The following COX6C variants were observed in gnomAD, a reference collection of about 807,000 sequenced individuals.
COX6C encodes cytochrome c oxidase subunit 6C, also known as cytochrome c oxidase polypeptide VIc.
COX6C carries 3 observed loss-of-function variants against 6.9 expected under a neutral mutation model. The observed-to-expected ratio is 0.43, with a 90% CI of 0.20 to 1.12. The LOEUF (loss-of-function observed/expected upper bound fraction) is 1.12. COX6C is among the 50% of genes most tolerant of loss of function. The pLI is 0.27. For synonymous variants in COX6C, 32 were observed against 32.0 expected (o/e 1.00, Z 0.00); for missense variants, 101 against 97.3 (o/e 1.04, Z -0.16).
chr8:99,886,626 A>T (rs1817945983), intron 3 of COX6C, among the ~76,000 whole-genome samples: 1 of 152,224 alleles, frequency 6.6e-6, no homozygotes, highest in Non-Finnish European at 1.5e-5. Flanking sequence ...CTACTGATGG[A>T]TGAATGGATA....
At chr8:99,882,904 C>A in intron 3 of COX6C, among the ~76,000 whole-genome samples, 1 of 152,224 alleles carries the variant, frequency 6.6e-6, no homozygotes, top group Non-Finnish European at 1.5e-5. Flanking sequence ...CTCAGGTAAT[C>A]TTCCCAGGTA....
In COX6C at chr8:99,879,284, C is replaced by T. The variant is rs541905119; in HGVS notation, c.*16-1019G>A. Among the ~76,000 whole-genome samples, 4 of 152,282 alleles carry T rather than the reference C, an allele frequency of 2.6e-5. No homozygotes were observed. In the South Asian group the frequency reaches 8.3e-4, roughly 32 times the overall value. On this transcript the variant is annotated intron_variant, in intron 3 of 3. Transcript: ENST00000520468. Reference sequence around the variant, plus strand: ...ATGAGGCATAAGGACCTTGTGAATACAACAGACCAAACCAGACCTATGGAA... The same window carrying T: ...ATGAGGCATAAGGACCTTGTGAATATAACAGACCAAACCAGACCTATGGAA...
intron 2 of COX6C, among the ~76,000 whole-genome samples, 189 bp from the exon 3 acceptor site, chr8:99,887,807 CAAAGA>C (rs2131008216): frequency 6.6e-6 from 1 of 152,104 alleles, no homozygotes; most frequent in South Asian, 2.1e-4. Flanking sequence ...GCTAAATTTG[CAAAGA>C]AAAGAATGGG....
chr8:99,882,749 G>A (rs903620539), intron 3 of COX6C, among the ~76,000 whole-genome samples: 1 of 139,294 alleles, frequency 7.2e-6, no homozygotes, highest in Admixed American at 6.8e-5. Context: ...ACAATTATAT[G>A]TAAACAAACT....
intron 3 of COX6C, among the ~76,000 whole-genome samples, chr8:99,878,975 CATAT>C (rs1336211552): frequency 1.3e-5 from 2 of 152,176 alleles, no homozygotes; most frequent in Non-Finnish European, 2.9e-5. Flanking sequence ...ATGTAACCCA[CATAT>C]ATGTAGTGCA....
At chr8:99,893,069 G>T (rs1300657253) in intron 1 of COX6C, 1 of 152,210 alleles carries the variant, frequency 6.6e-6, no homozygotes, top group Non-Finnish European at 1.5e-5. Context: ...CAGCTAACGC[G>T]GCCGGGGGTA....
Position 99,887,488 on chromosome 8 carries a change from A to C in COX6C, c.*15+2T>G. ...TTAAGTAACTTCAAATAACCATATTACCTTTATATTCCAAGATTACTTTAC... is the reference window on the plus strand; with the variant it reads ...TTAAGTAACTTCAAATAACCATATTCCCTTTATATTCCAAGATTACTTTAC... On this transcript the variant is annotated splice_donor_variant, in intron 3 of 3. Transcript: ENST00000520468. LOFTEE classifies it low-confidence loss of function (3UTR_SPLICE). 6.5e-7 allele frequency: 1 copy of C among 1,528,664 alleles called. No homozygotes were observed. The highest frequency in any genetic ancestry group is 8.8e-7 in the Non-Finnish European group (1 of 1,131,086). The allele number at this position is 1,528,664 out of a possible 1,614,324, so 94.7% of individuals were successfully genotyped here.
At chr8:99,881,244 A>G (rs956255738) in intron 3 of COX6C, among the ~76,000 whole-genome samples, 7 of 152,020 alleles carry the variant, frequency 4.6e-5, no homozygotes, top group Non-Finnish European at 8.8e-5. Flanking sequence ...TCTGTAATTC[A>G]AGCTACTCGG....
intron 2 of COX6C, 75 bp downstream of exon 2, chr8:99,891,833 G>GA: frequency 8.1e-7 from 1 of 1,238,982 alleles, no homozygotes; most frequent in East Asian, 2.3e-5. Context: ...TTACAAGGGG[G>GA]AGTTTCTTTA....
At chr8:99,889,493 C>A (rs1222603957) in intron 2 of COX6C, among the ~76,000 whole-genome samples, 1 of 151,380 alleles carries the variant, frequency 6.6e-6, no homozygotes, top group Non-Finnish European at 1.5e-5. Context: ...TCAAGCAATT[C>A]TCCTGCCTCA....
chr8:99,889,438 T>C (rs1818000211), intron 2 of COX6C, among the ~76,000 whole-genome samples: 1 of 146,962 alleles, frequency 6.8e-6, no homozygotes, highest in African/African-American at 2.5e-5. Flanking sequence ...CAGGCTGGAG[T>C]GTAATGGTGC....
intron 2 of COX6C, among the ~76,000 whole-genome samples, chr8:99,889,861 C>T (rs902270634): frequency 6.6e-6 from 1 of 151,270 alleles, no homozygotes; most frequent in African/African-American, 2.4e-5. Flanking sequence ...GAGGCCGAGG[C>T]GGGCGGATCA....
intron 3 of COX6C, among the ~76,000 whole-genome samples, chr8:99,879,896 T>G (rs1245725621): frequency 1.3e-5 from 2 of 151,942 alleles, no homozygotes; most frequent in African/African-American, 4.8e-5. Flanking sequence ...ATGGCATGAG[T>G]GAGCTGCAGG....
intron 2 of COX6C, among the ~76,000 whole-genome samples, chr8:99,888,371 G>A (rs1168035088): frequency 6.6e-6 from 1 of 152,044 alleles, no homozygotes; most frequent in Non-Finnish European, 1.5e-5. Flanking sequence ...AGGAATTGGA[G>A]ACCAGCCTGG....
intron 3 of COX6C, among the ~76,000 whole-genome samples, chr8:99,882,590 T>C (rs1252946595): frequency 2.0e-5 from 3 of 151,866 alleles, no homozygotes; most frequent in African/African-American, 7.3e-5. Flanking sequence ...ATGACTACAA[T>C]AGAGAAAAAT....
intron 3 of COX6C, 179 bp downstream of exon 3, chr8:99,887,311 T>C (rs1391572061): frequency 2.0e-5 from 9 of 447,638 alleles, no homozygotes; most frequent in Non-Finnish European, 3.6e-5. Context: ...GTGCCACTTA[T>C]TGCTCATGTG....
intron 3 of COX6C, among the ~76,000 whole-genome samples, chr8:99,880,620 A>G (rs1414945682): frequency 6.6e-6 from 1 of 151,958 alleles, no homozygotes; most frequent in Non-Finnish European, 1.5e-5. Context: ...TCATGCCTGT[A>G]ATCTGGGAGG....
In COX6C at chr8:99,878,077, C is replaced by T. The variant is rs912043593; in HGVS notation, c.*204G>A. On this transcript the variant is annotated 3_prime_UTR_variant, in exon 4 of 4. Transcript: ENST00000520468. ...AAGTTAGCTTCATAAACAGTTAAAT[C>T]CCAAACCAATTCTTATGCTAGTAAG... 9 of 152,170 alleles carry T rather than the reference C, an allele frequency of 5.9e-5. No individual in the cohort carries two copies. The highest frequency in any genetic ancestry group is 2.2e-4 in the African/African-American group (9 of 41,434). The allele number at this position is 152,170 out of a possible 1,614,324, so 9.4% of individuals were successfully genotyped here.
At chr8:99,880,807 G>C (rs970333689) in intron 3 of COX6C, among the ~76,000 whole-genome samples, 8 of 151,548 alleles carry the variant, frequency 5.3e-5, no homozygotes, top group African/African-American at 1.9e-4. Context: ...CCGAGTCCCA[G>C]AAGAGAAAAA....
Sources: gnomAD v4.1 joint callset for allele counts (sites outside exome capture counted in the v4.1 genomes callset) on GRCh38, gnomAD v4.1.1 for gene constraint, MANE v1.5 for transcripts, NCBI Gene and HGNC (gene_info 2026-07-23, HGNC 2026-07-21) for gene names.